JCAD: variants seen among roughly 807,000 people sequenced by gnomAD.
JCAD encodes junctional cadherin 5-associated protein.
Under a neutral mutation model 98.0 loss-of-function variants are expected in JCAD, and 40 were observed. That is an observed-to-expected ratio of 0.41 (90% CI 0.32 to 0.53). JCAD has a LOEUF of 0.53. JCAD is among the 20% of genes least tolerant of loss of function. The pLI, the probability that JCAD is intolerant of heterozygous loss-of-function variation, is 0.31. For missense variants in JCAD, 1,705 were observed against 1,738.1 expected (o/e 0.98, Z 0.34); for synonymous variants, 691 against 682.3 (o/e 1.01, Z -0.20).
rs1400617424 is a variant in JCAD, at chr10:30,046,950, T to G, written c.281+582A>C. Among the ~76,000 whole-genome samples the G allele has an allele frequency of 3.9e-5, 6 of 151,986 alleles. No individual in the cohort carries two copies. In the East Asian group the frequency reaches 1.2e-3, roughly 29 times the overall value. On this transcript the variant is annotated intron_variant, in intron 2 of 3. Transcript: ENST00000375377. ...TTACAAAAAATAAAAATTAGCCAGG[T>G]GTGGTTGTGTGCACCTGGCCCAGCT...
rs111405866 is a variant in JCAD at position 30,038,415 on chromosome 10, G to T, written c.282-8549C>A. ...AAGACAAAGAGAGAGCCGGCACGGA[G>T]GTTCATGCCTGTAATCCCAGCACTT... is the stretch of plus-strand genomic sequence containing the variant. On this transcript the variant is annotated intron_variant, in intron 2 of 3. Transcript: ENST00000375377. 9.2e-3 allele frequency among the ~76,000 whole-genome samples: 1,396 copies of T among 152,256 alleles called. 28 individuals carry two copies. The highest frequency in any genetic ancestry group is 0.031 in the African/African-American group (1,287 of 41,528).
intron 2 of JCAD, among the ~76,000 whole-genome samples, chr10:30,043,111 C>G (rs576348963): frequency 4.7e-4 from 72 of 152,226 alleles, no homozygotes; most frequent in Admixed American, 1.7e-3. Context: ...AGTTCACATG[C>G]TCCTTTGTCT....
At chr10:30,030,414 C>T (rs1836967122) in intron 2 of JCAD, among the ~76,000 whole-genome samples, 1 of 152,106 alleles carries the variant, frequency 6.6e-6, no homozygotes, top group Non-Finnish European at 1.5e-5. Flanking sequence ...GCACTCCGGC[C>T]CGGGCAGCGG....
chr10:30,014,128 G>A lies in JCAD; in HGVS notation c.*3755C>T, dbSNP rs1228603812. The A allele has an allele frequency of 6.6e-6, 1 of 152,110 alleles. No homozygotes were observed. Among genetic ancestry groups the A allele is most frequent in the African/African-American group, 2.4e-5 (1 of 41,390 alleles). The allele number at this position is 152,110 out of a possible 1,614,324, so 9.4% of individuals were successfully genotyped here. On this transcript the variant is annotated 3_prime_UTR_variant, in exon 4 of 4. Transcript: ENST00000375377. ...CCACACTCCTGGAGAAGGACCTCCC[G>A]CCATGCAGATTCTTAAAGGTCACTG...
At chr10:30,094,346 G>T (rs115021803) in intron 1 of JCAD, among the ~76,000 whole-genome samples, 1,554 of 152,194 alleles carry the variant, frequency 0.01, 22 homozygotes, top group Middle Eastern at 0.054. Flanking sequence ...GCTACTCGGA[G>T]GCTGAGGCAG....
upstream of JCAD, among the ~76,000 whole-genome samples, chr10:30,062,378 C>T (rs1015943541): frequency 1.3e-5 from 2 of 152,212 alleles, no homozygotes; most frequent in East Asian, 1.9e-4. Context: ...TAATGTTTTC[C>T]TGGCATGACT....
chr10:30,043,746 C>T (rs1837284561), intron 2 of JCAD, among the ~76,000 whole-genome samples: 2 of 152,296 alleles, frequency 1.3e-5, no homozygotes, highest in African/African-American at 4.8e-5. Context: ...AAACAGGCCT[C>T]ACCTGGGGAG....
rs555768457 is a variant in JCAD at position 30,013,576 on chromosome 10, C to A, written c.*4307G>T. ...TTGCCTTTGTCTCCTTGCTCCGTGA[C>A]AATGAATGTCTCACATCTCGGCTCT... On this transcript the variant is annotated 3_prime_UTR_variant, in exon 4 of 4. Transcript: ENST00000375377. 2 of 152,346 alleles carry A rather than the reference C, an allele frequency of 1.3e-5. No homozygotes were observed. Among genetic ancestry groups the A allele is most frequent in the South Asian group, 4.1e-4 (2 of 4,826 alleles). The allele number at this position is 152,346 out of a possible 1,614,324, so 9.4% of individuals were successfully genotyped here.
intron 2 of JCAD, among the ~76,000 whole-genome samples, chr10:30,038,057 G>C (rs1235674749): frequency 6.6e-6 from 1 of 151,822 alleles, no homozygotes; most frequent in African/African-American, 2.4e-5. Context: ...GCTCTTTTGT[G>C]GTTGCCAGCA....
chr10:30,100,094 C>T (rs12246382), intron 1 of JCAD, among the ~76,000 whole-genome samples: 2,752 of 152,282 alleles, frequency 0.018, 80 homozygotes, highest in African/African-American at 0.062. Flanking sequence ...ATAAGAACCC[C>T]TTCCCCTCCC....
chr10:30,048,571 CTT>C (rs11360517), intron 1 of JCAD, among the ~76,000 whole-genome samples: 2 of 147,154 alleles, frequency 1.4e-5, no homozygotes, highest in Admixed American at 6.8e-5. Context: ...TTATGAAAGT[CTT>C]TTTTTTTTTG....
chr10:30,105,089 A>C (rs1838549731), intron 1 of JCAD, among the ~76,000 whole-genome samples: 1 of 152,220 alleles, frequency 6.6e-6, no homozygotes, highest in Admixed American at 6.5e-5. Flanking sequence ...TTGTAGGAAC[A>C]TCTAGGTCAC....
Position 30,027,286 on chromosome 10 carries a change from T to C in JCAD, c.2862A>G (p.Ala954=). The C allele has an allele frequency of 6.2e-7, 1 of 1,614,200 alleles. No homozygotes were observed. The change falls in exon 3 of 4, where the codon GCA becomes GCG. Residue 954 remains alanine, a synonymous_variant. Coordinates refer to ENST00000375377, the MANE Select transcript of JCAD (RefSeq NM_020848.4). Reference sequence around the variant, plus strand: ...TGCTAACCTCCAGGTGTCTCTTCTCTGCACTCGTGCTTCCATCTGCTGAGC... The same window carrying C: ...TGCTAACCTCCAGGTGTCTCTTCTCCGCACTCGTGCTTCCATCTGCTGAGC... ...PFCSADGSTS[A]EKRHLEVSNG...
At chr10:30,088,865 TGG>T (rs931819056) in intron 1 of JCAD, among the ~76,000 whole-genome samples, 3 of 152,034 alleles carry the variant, frequency 2.0e-5, no homozygotes, top group Non-Finnish European at 4.4e-5. Flanking sequence ...CCCAGCTACT[TGG>T]GAGGCTGAGG....
rs1589692920 is a variant in JCAD, at chr10:30,047,717, T to A, written c.96A>T (p.Ala32=). ...SREDNPKGRQ[A]ARTGTRAGQG... is the part of the protein sequence containing the mutation. ...GGCCTGCTCGTGTCCCAGTCCTCGC[T>A]GCCTGGCGCCCCTTGGGGTTATCCT... Residue 32 remains alanine (A), a synonymous_variant, in exon 2 of 4, where the codon GCA becomes GCT. Transcript: ENST00000375377. 2 of 1,614,246 alleles carry A rather than the reference T, an allele frequency of 1.2e-6. No homozygotes were observed. Among genetic ancestry groups the A allele is most frequent in the Non-Finnish European group, 1.7e-6 (2 of 1,180,038 alleles).
chr10:30,112,509 GA>G (rs1347004798), intron 1 of JCAD, among the ~76,000 whole-genome samples: 1 of 151,680 alleles, frequency 6.6e-6, no homozygotes, highest in Non-Finnish European at 1.5e-5. Context: ...TTAAACAAAC[GA>G]AAAAAATTAC....
chr10:30,085,156 G>A (rs16931039), intron 1 of JCAD, among the ~76,000 whole-genome samples: 4,134 of 152,184 alleles, frequency 0.027, 170 homozygotes, highest in African/African-American at 0.089. Context: ...GTTTGGTGTT[G>A]TATTTTTCCC....
intron 3 of JCAD, among the ~76,000 whole-genome samples, chr10:30,019,093 C>T (rs987043132): frequency 2.0e-5 from 3 of 152,032 alleles, no homozygotes; most frequent in South Asian, 2.1e-4. Context: ...CAGTGGCTCA[C>T]GGCTGTAATC....
chr10:30,025,360 A>C (rs1589677465), intron 3 of JCAD, among the ~76,000 whole-genome samples: 1 of 151,904 alleles, frequency 6.6e-6, no homozygotes, highest in East Asian at 2.0e-4. Context: ...TCTACTAAAA[A>C]TACAAAAATA....
Sources: allele counts gnomAD v4.1 joint callset (sites outside exome capture counted in the v4.1 genomes callset), GRCh38; gene constraint gnomAD v4.1.1; transcripts MANE v1.5; gene names NCBI Gene and HGNC (gene_info 2026-07-23, HGNC 2026-07-21).